The following LIMCH1 variants were observed in gnomAD, a reference collection of about 807,000 sequenced individuals.
LIMCH1 encodes the protein LIM and calponin homology domains 1, also known as LIM and calponin homology domains-containing protein 1.
A neutral mutation model predicts 176.5 loss-of-function variants in LIMCH1; 113 were observed. The ratio of observed to expected loss-of-function variants is 0.64; its 90% CI spans 0.55 to 0.75. The LOEUF (loss-of-function observed/expected upper bound fraction) is 0.75, where lower values mean the gene tolerates loss of function less well. Ranked by LOEUF, LIMCH1 falls within the 30% of genes least tolerant of loss-of-function variation. LIMCH1 has a pLI of 0.00. For missense variants in LIMCH1, 1,674 were observed against 1,814.9 expected (o/e 0.92, Z 1.41); for synonymous variants, 619 against 645.9 (o/e 0.96, Z 0.63).
chr4:41,613,043 C>T (rs909093098), intron 4 of LIMCH1: 5 of 1,552,072 alleles, frequency 3.2e-6, no homozygotes, highest in Non-Finnish European at 3.5e-6. Context: ...ACAGCTAAAC[C>T]AGGGGCTCAT....
chr4:41,436,165 G>A (rs1040666712), intron 1 of LIMCH1, among the ~76,000 whole-genome samples: 14 of 152,306 alleles, frequency 9.2e-5, no homozygotes, highest in Admixed American at 8.5e-4. Flanking sequence ...AGGAGGCCAG[G>A]AATTCTTGTT....
chr4:41,580,158 C>T (rs1441442251), intron 1 of LIMCH1, among the ~76,000 whole-genome samples: 1 of 152,132 alleles, frequency 6.6e-6, no homozygotes, highest in Non-Finnish European at 1.5e-5. Context: ...TCCTATAGAA[C>T]AATCCTTAAG....
intron 7 of LIMCH1, among the ~76,000 whole-genome samples, chr4:41,623,896 G>T (rs1172540788): frequency 6.6e-6 from 1 of 152,180 alleles, no homozygotes; most frequent in Non-Finnish European, 1.5e-5. Context: ...CAGAAAGTAG[G>T]ATTTCTTAAT....
At chr4:41,625,362 A>G (rs1003949976) in intron 7 of LIMCH1, among the ~76,000 whole-genome samples, 3 of 152,214 alleles carry the variant, frequency 2.0e-5, no homozygotes, top group Non-Finnish European at 4.4e-5. Context: ...GCACATTATA[A>G]AAGTCATTTA....
intron 2 of LIMCH1, among the ~76,000 whole-genome samples, chr4:41,502,027 G>A (rs567034555): frequency 8.6e-4 from 130 of 151,852 alleles, no homozygotes; most frequent in African/African-American, 2.2e-3. Context: ...GCATCCATGA[G>A]CTATTCTTCC....
At position 41,430,903 on chromosome 4, in the gene LIMCH1, G is replaced by T. The variant is rs181362565; in HGVS notation, c.97-63633G>T. On this transcript the variant is annotated intron_variant, in intron 1 of 26. Transcript: ENST00000313860. ...TTTCTGTTTTGTTTTTTTTTTCTATGTGTCTTTCAGTGCTGAAATTGGAAA... is the reference window on the plus strand; with the variant it reads ...TTTCTGTTTTGTTTTTTTTTTCTATTTGTCTTTCAGTGCTGAAATTGGAAA... Among the ~76,000 whole-genome samples, 393 of 150,808 alleles carry T rather than the reference G, an allele frequency of 2.6e-3. 2 individuals are homozygous for T. The highest frequency in any genetic ancestry group is 0.012 in the South Asian group (57 of 4,788).
intron 1 of LIMCH1, among the ~76,000 whole-genome samples, chr4:41,576,141 A>G (rs1176524148): frequency 6.6e-6 from 1 of 152,112 alleles, no homozygotes; most frequent in Non-Finnish European, 1.5e-5. Context: ...ATTTGTGCAT[A>G]TTTCTTGTGA....
At chr4:41,636,620 A>G (rs2152893364) in intron 13 of LIMCH1, among the ~76,000 whole-genome samples, 1 of 152,290 alleles carries the variant, frequency 6.6e-6, no homozygotes, top group South Asian at 2.1e-4. Flanking sequence ...ATAAATACTT[A>G]TTGACTAGTC....
At chr4:41,577,424 G>A (rs2084674058) in intron 1 of LIMCH1, among the ~76,000 whole-genome samples, 1 of 152,028 alleles carries the variant, frequency 6.6e-6, no homozygotes, top group Admixed American at 6.6e-5. Context: ...AGTTGCAAGT[G>A]ATTTATTTAT....
At chr4:41,359,901 C>T (rs1171114483), upstream of LIMCH1, 1 of 152,160 alleles carries the variant, frequency 6.6e-6, no homozygotes, top group African/African-American at 2.4e-5. Context: ...TTAACAACAC[C>T]CGCCACAATT....
intron 1 of LIMCH1, among the ~76,000 whole-genome samples, chr4:41,480,847 G>A (rs967085989): frequency 5.7e-4 from 86 of 152,100 alleles, no homozygotes; most frequent in African/African-American, 2.1e-3. Flanking sequence ...TGCAGCTTCT[G>A]TTCTTCCTTT....
At chr4:41,507,203 C>T (rs1240727131) in intron 2 of LIMCH1, among the ~76,000 whole-genome samples, 7 of 152,218 alleles carry the variant, frequency 4.6e-5, no homozygotes, top group Non-Finnish European at 8.8e-5. Context: ...GGTCCATCCT[C>T]CCAGCACCTC....
chr4:41,592,039 G>A (rs142970902), intron 1 of LIMCH1, among the ~76,000 whole-genome samples: 155 of 152,332 alleles, frequency 1.0e-3, no homozygotes, highest in African/African-American at 3.5e-3. Context: ...GAAGAAAAGA[G>A]GAAGAAGGGC....
At chr4:41,615,232 A>C (rs2091932970) in intron 5 of LIMCH1, among the ~76,000 whole-genome samples, 1 of 152,168 alleles carries the variant, frequency 6.6e-6, no homozygotes, top group South Asian at 2.1e-4. Flanking sequence ...GTTTTAAGTT[A>C]TTGCATTTTC....
intron 18 of LIMCH1, among the ~76,000 whole-genome samples, chr4:41,656,735 A>C (rs2152963853): frequency 6.6e-6 from 1 of 152,236 alleles, no homozygotes; most frequent in South Asian, 2.1e-4. Flanking sequence ...TGTCCAGATA[A>C]GTTGTCCAAG....
At chr4:41,625,082 C>T (rs2092852434) in intron 7 of LIMCH1, among the ~76,000 whole-genome samples, 1 of 152,192 alleles carries the variant, frequency 6.6e-6, no homozygotes. Flanking sequence ...CAAACCTCCT[C>T]ATGAATATAA....
intron 1 of LIMCH1, among the ~76,000 whole-genome samples, chr4:41,379,754 G>C (rs2055354213): frequency 6.6e-6 from 1 of 152,052 alleles, no homozygotes; most frequent in African/African-American, 2.4e-5. Flanking sequence ...ATTCTCTCTA[G>C]ATATATTTTC....
In LIMCH1 at chr4:41,538,291, C is replaced by G; in HGVS notation, c.-300C>G. ...ACGAGGAGCACACAGGAGAGATGCC[C>G]CTCCCATCTCCCAGAGTGGGTTGGC... On this transcript the variant is annotated 5_prime_UTR_variant, in exon 1 of 32. Transcript: ENST00000503057. 1 of 985,346 alleles carries G rather than the reference C, an allele frequency of 1.0e-6. No homozygotes were observed. 61.0% of individuals were successfully genotyped at this position (985,346 alleles called of 1,614,324 possible). A position where few individuals can be genotyped will look rare whatever the true frequency, so the allele number is the denominator to read the frequency against.
At chr4:41,542,842 C>T (rs2078851843) in intron 1 of LIMCH1, among the ~76,000 whole-genome samples, 1 of 152,150 alleles carries the variant, frequency 6.6e-6, no homozygotes, top group Admixed American at 6.5e-5. Flanking sequence ...CTATATAGGG[C>T]TCATATGAGT....
Sources: gnomAD v4.1 joint callset for allele counts (sites outside exome capture counted in the v4.1 genomes callset) on GRCh38, gnomAD v4.1.1 for gene constraint, MANE v1.5 for transcripts, NCBI Gene and HGNC (gene_info 2026-07-23, HGNC 2026-07-21) for gene names.